Variants in LAMP3 observed in about 807,000 individuals in gnomAD.
The protein encoded by LAMP3 is lysosome associated membrane protein 3, also known as lysosome-associated membrane glycoprotein 3.
In LAMP3, 26 loss-of-function variants were observed where a neutral mutation model predicts 34.8. The observed-to-expected ratio is 0.75, with a 90% CI of 0.55 to 1.04. The LOEUF is 1.04. LAMP3 is among the 50% of genes least tolerant of loss of function. LAMP3 has a pLI of 0.00. For missense variants in LAMP3, 495 were observed against 524.0 expected (o/e 0.94, Z 0.54); for synonymous variants, 180 against 201.9 (o/e 0.89, Z 0.92).
rs374276666 is a variant in LAMP3, at chr3:183,140,635, C to T, written c.889-40G>A. The T allele has an allele frequency of 7.2e-6, 9 of 1,246,768 alleles. No homozygotes were observed. The African/African-American group carries it at 1.2e-4, about 16-fold the overall frequency. 77.2% of individuals were successfully genotyped at this position (1,246,768 alleles called of 1,614,324 possible). ...GGTGTTAACCTTTGGGTTATCTCTA[C>T]TCATATGTTTACAATCTTGGTTTAT... On this transcript the variant is annotated intron_variant, in intron 3 of 5. Transcript: ENST00000265598.
intron 3 of LAMP3, 114 bp from the exon 4 acceptor site, chr3:183,140,709 G>A: frequency 1.4e-6 from 1 of 696,684 alleles, no homozygotes; most frequent in Non-Finnish European, 2.6e-6. Flanking sequence ...AAGGGCTGGG[G>A]AGTTACTTGG....
At chr3:183,141,276 T>A (rs1720275815) in intron 3 of LAMP3, among the ~76,000 whole-genome samples, 1 of 152,196 alleles carries the variant, frequency 6.6e-6, no homozygotes, top group Admixed American at 6.5e-5. Context: ...GAACCCCAAG[T>A]GGTTGTATTT....
chr3:183,124,947 A>G (rs1285734683), intron 5 of LAMP3, among the ~76,000 whole-genome samples: 1 of 152,226 alleles, frequency 6.6e-6, no homozygotes, highest in African/African-American at 2.4e-5. Flanking sequence ...TGTCACTCCT[A>G]AGGTTCTATT....
chr3:183,154,030 G>T lies in LAMP3; in HGVS notation c.411C>A (p.Thr137=). 6.2e-7 allele frequency: 1 copy of T among 1,614,180 alleles called. No homozygotes were observed. Among genetic ancestry groups the T allele is most frequent in the East Asian group, 2.2e-5 (1 of 44,888 alleles). Residue 137 remains threonine (T), a synonymous_variant, in exon 2 of 6, where the codon ACC becomes ACA. Coordinates refer to ENST00000265598, the MANE Select transcript of LAMP3 (RefSeq NM_014398.4). ...CAGTTGTATGAGCTGGTGGGGTGAT[G>T]GTGGGTGGCAGTGAATAAGGGGCTA... ...PSLAPYSLPP[T]ITPPAHTTGT...
chr3:183,132,348 CAGG>C (rs1719950357), intron 5 of LAMP3: 1 of 952,446 alleles, frequency 1.0e-6, no homozygotes, highest in Non-Finnish European at 1.2e-6. Context: ...GGGTAAAATC[CAGG>C]AGTTTAAAAT....
intron 1 of LAMP3, among the ~76,000 whole-genome samples, chr3:183,156,899 G>A (rs1437058208): frequency 1.3e-5 from 2 of 152,142 alleles, no homozygotes; most frequent in African/African-American, 2.4e-5. Context: ...AGGGGTGGTG[G>A]AGGTGGGGTG....
At position 183,126,876 on chromosome 3, in the gene LAMP3, T is replaced by C. The variant is rs75077109; in HGVS notation, c.1118-2662A>G. ...TAATTTCAATTTTACTTGTGTTTAA[T>C]AGGATAAAAGAACTTGAAGGAATTA... On this transcript the variant is annotated intron_variant, in intron 5 of 5. Coordinates refer to ENST00000265598, the MANE Select transcript of LAMP3 (RefSeq NM_014398.4). 6.5e-3 allele frequency among the ~76,000 whole-genome samples: 987 copies of C among 152,320 alleles called. 10 individuals carry two copies. Among genetic ancestry groups the C allele is most frequent in the African/African-American group, 0.022 (925 of 41,578 alleles).
In LAMP3 at chr3:183,153,800, G is replaced by A; in HGVS notation, c.641C>T (p.Pro214Leu). 6.3e-7 allele frequency: 1 copy of A among 1,591,090 alleles called. No individual in the cohort carries two copies. ...TGACGATGGCTGAGGTGCAAGGGTG[G>A]GCCCAGGAACCGTGGAGGCAGGTGC... ...TAAPASTVPG[P>L]TLAPQPSSVK... Residue 214 changes from proline (P) to leucine (L), a missense_variant, in exon 2 of 6, where the codon CCC (proline) becomes CTC (leucine). Transcript: ENST00000265598.
Position 183,152,502 on chromosome 3 carries a change from A to T in LAMP3, c.761T>A (p.Val254Asp). ...GTTGAAGTATCTCCGAGGTGAAAAAACCTAAATCAAGTTAGATAGATCAGC... is the reference window on the plus strand; with the variant it reads ...GTTGAAGTATCTCCGAGGTGAAAAATCCTAAATCAAGTTAGATAGATCAGC... Reference protein sequence around the residue: ...IQLIVQDKESVFSPRRYFNID... With the variant: ...IQLIVQDKESDFSPRRYFNID... Residue 254 changes from valine to aspartate, a missense_variant and splice_region_variant, in exon 3 of 6, where the codon GTT becomes GAT. Coordinates refer to ENST00000265598, the MANE Select transcript of LAMP3 (RefSeq NM_014398.4). 6.2e-7 allele frequency: 1 copy of T among 1,608,366 alleles called. No individual in the cohort carries two copies. The highest frequency in any genetic ancestry group is 8.5e-7 in the Non-Finnish European group (1 of 1,177,956).
rs778392929 is a variant in LAMP3, at chr3:183,135,718, A to G, written c.1116T>C (p.Asn372=). The change falls in exon 5 of 6, where the codon AAT becomes AAC. Residue 372 remains asparagine (N), a splice_region_variant and synonymous_variant. Coordinates refer to ENST00000265598, the MANE Select transcript of LAMP3 (RefSeq NM_014398.4). ...CAACCTGATCGACCCTTAACTTACC[A>G]TTTCCAAAGTGGTCATCTTCAAAAT... ...AFDFEDDHFG[N]VDECSSDYTI... 6.2e-6 allele frequency: 10 copies of G among 1,614,038 alleles called. No individual in the cohort carries two copies. The highest frequency in any genetic ancestry group is 8.5e-6 in the Non-Finnish European group (10 of 1,179,952).
intron 3 of LAMP3, among the ~76,000 whole-genome samples, chr3:183,147,071 A>G (rs960008706): frequency 1.3e-5 from 2 of 151,756 alleles, no homozygotes; most frequent in African/African-American, 2.4e-5. Context: ...GTGAAACCCC[A>G]TCTCTACTAA....
At chr3:183,129,599 C>T (rs1263950858) in intron 5 of LAMP3, among the ~76,000 whole-genome samples, 1 of 152,084 alleles carries the variant, frequency 6.6e-6, no homozygotes, top group Non-Finnish European at 1.5e-5. Flanking sequence ...TGCTTTGACA[C>T]TCATCTTGTT....
Position 183,124,163 on chromosome 3 carries a change from A to ATG in LAMP3, c.1167_1168dup (p.Ile390ThrfsTer18). Reference sequence around the variant, plus strand: ...ACCCATAAGGCAGAGACCAACCACGATGGCCCCAATCACAGGAAGCACAAT... The same window carrying ATG: ...ACCCATAAGGCAGAGACCAACCACGATGTGGCCCCAATCACAGGAAGCACAAT... On this transcript the variant is annotated frameshift_variant, in exon 6 of 6. Coordinates refer to ENST00000265598, the MANE Select transcript of LAMP3 (RefSeq NM_014398.4). LOFTEE classifies it high-confidence loss of function. 6.2e-7 allele frequency: 1 copy of ATG among 1,610,134 alleles called. No individual in the cohort carries two copies. The highest frequency in any genetic ancestry group is 8.5e-7 in the Non-Finnish European group (1 of 1,178,830).
chr3:183,154,125 T>C lies in LAMP3; in HGVS notation c.316A>G (p.Thr106Ala), dbSNP rs376545399. The change falls in exon 2 of 6, where the codon ACA becomes GCA. Residue 106 changes from threonine to alanine, a missense_variant. Physicochemically the swap from Thr to Ala is moderately conservative, Grantham distance 58. Transcript: ENST00000265598. ...GAGTTGTTGGGTGTGGCCTGGGTTG[T>C]GACCAGGGTGTAGGTAATTGGGCTG... ...TTSPITYTLV[T>A]TQATPNNSHT... The C allele has an allele frequency of 6.2e-7, 1 of 1,614,076 alleles. No homozygotes were observed. Among genetic ancestry groups the C allele is most frequent in the African/African-American group, 1.3e-5 (1 of 74,926 alleles).
chr3:183,131,900 A>G (rs1719935013), intron 5 of LAMP3: 1 of 984,102 alleles, frequency 1.0e-6, no homozygotes, highest in Non-Finnish European at 1.2e-6. Flanking sequence ...TTTTTCCCTC[A>G]GATATCAACC....
At chr3:183,157,964 G>T in intron 1 of LAMP3, 1 of 152,288 alleles carries the variant, frequency 6.6e-6, no homozygotes. Context: ...GTCTTGATAC[G>T]GTGTGTAGGT....
In LAMP3 at chr3:183,153,884, A is replaced by C; in HGVS notation, c.557T>G (p.Val186Gly). The C allele has an allele frequency of 6.2e-7, 1 of 1,614,046 alleles. No homozygotes were observed. The highest frequency in any genetic ancestry group is 8.5e-7 in the Non-Finnish European group (1 of 1,179,954). ...TGTTCCTGGGGCATGGGTGGGTTGA[A>C]CAGGCTTCTGACCGGTTGTGCTTTT... ...LHKSTTGQKPVQPTHAPGTTA... is the reference protein window; with the variant it reads ...LHKSTTGQKPGQPTHAPGTTA... The change falls in exon 2 of 6, where the codon GTT (valine) becomes GGT (glycine). Residue 186 changes from valine (V) to glycine (G), a missense_variant. By Grantham distance (109) the Val-to-Gly change is moderately radical. Transcript: ENST00000265598.
intron 3 of LAMP3, among the ~76,000 whole-genome samples, chr3:183,141,524 G>T (rs1414029684): frequency 3.3e-5 from 5 of 152,078 alleles, no homozygotes; most frequent in Non-Finnish European, 7.4e-5. Context: ...ATGCAAAAAT[G>T]GCAGAGCAAC....
intron 4 of LAMP3, among the ~76,000 whole-genome samples, chr3:183,138,715 C>G (rs1399764210): frequency 2.6e-5 from 4 of 152,176 alleles, no homozygotes; most frequent in Non-Finnish European, 5.9e-5. Context: ...CTTCTCTCCC[C>G]TAGACCCCTC....
Sources: gnomAD v4.1 joint callset for allele counts (sites outside exome capture counted in the v4.1 genomes callset) on GRCh38, gnomAD v4.1.1 for gene constraint, MANE v1.5 for transcripts, NCBI Gene and HGNC (gene_info 2026-07-23, HGNC 2026-07-21) for gene names.